ARHGEF2: variants seen among roughly 807,000 people sequenced by gnomAD.
ARHGEF2 encodes rho guanine nucleotide exchange factor 2.
Under a neutral mutation model 121.0 loss-of-function variants are expected in ARHGEF2, and 22 were observed. The ratio of observed to expected loss-of-function variants is 0.18; its 90% confidence interval spans 0.13 to 0.26. The LOEUF (loss-of-function observed/expected upper bound fraction) is 0.26, where lower values mean the gene tolerates loss of function less well. Ranked by LOEUF, ARHGEF2 falls within the 10% of genes least tolerant of loss-of-function variation. The probability of loss-of-function intolerance (pLI) is 1.00; values close to 1 mark genes in which losing one functional copy is unlikely to be tolerated. For synonymous variants in ARHGEF2, 487 were observed against 530.0 expected (o/e 0.92, Z 1.11); for missense variants, 907 against 1,336.0 (o/e 0.68, Z 5.01).
chr1:155,959,251 CTAT>C (rs752642932), intron 11 of ARHGEF2, among the ~76,000 whole-genome samples: 6 of 151,926 alleles, frequency 3.9e-5, no homozygotes, highest in Non-Finnish European at 8.8e-5. Flanking sequence ...TAATTTGATT[CTAT>C]TATTATTTTT....
At chr1:155,978,614 G>A (rs574784498), upstream of ARHGEF2, 66 of 1,257,160 alleles carry the variant, frequency 5.2e-5, no homozygotes, top group Non-Finnish European at 6.3e-5. This position sits in a 1 kb window ranked among gnomAD's most constrained non-coding sequence, Gnocchi z 4.1. Context: ...GCTCAGGAAG[G>A]GGGTAGGCGG....
chr1:155,951,794 A>G lies in ARHGEF2; in HGVS notation c.2173-18T>C. On this transcript the variant is annotated intron_variant, in intron 17 of 21. Transcript: ENST00000361247. The surrounding 1 kb of genome is among the most constrained non-coding windows in gnomAD (Gnocchi z 5.1). ...TTTCGATCCTGCAGAAATGGGCAAG[A>G]ATGGGGAGTCAGCAGGCACACAAAT... 2 of 1,613,894 alleles carry G rather than the reference A, an allele frequency of 1.2e-6. No homozygotes were observed. The highest frequency in any genetic ancestry group is 1.7e-6 in the Non-Finnish European group (2 of 1,179,992).
At position 155,972,245 on chromosome 1, in the gene ARHGEF2, C is replaced by T. The variant is rs543852609; in HGVS notation, c.64-2945G>A. The T allele has an allele frequency of 1.1e-3, 508 of 467,720 alleles. 1 individual carries two copies. Among genetic ancestry groups the T allele is most frequent in the Non-Finnish European group, 1.7e-3 (386 of 226,960 alleles). 29.0% of individuals were successfully genotyped at this position (467,720 alleles called of 1,614,324 possible). A position where few individuals can be genotyped will look rare whatever the true frequency, so the allele number is the denominator to read the frequency against. On this transcript the variant is annotated intron_variant, in intron 1 of 21. Transcript: ENST00000361247. ...TCTGGGCCCTGCCTCCTCCACCTCC[C>T]AACACTCACCCTCTCTCGAAGTGAC...
At position 155,951,919 on chromosome 1, in the gene ARHGEF2, C is replaced by G; in HGVS notation, c.2172G>C (p.Arg724Ser). Reference sequence around the variant, plus strand: ...GTCCCAGAACCTCTTGAGGACCTACCCTCTGGCTAGAGTCTGAGTCAGCTC... The same window carrying G: ...GTCCCAGAACCTCTTGAGGACCTACGCTCTGGCTAGAGTCTGAGTCAGCTC... ...LCRADSDSSQ[R>S]DRNGNQLRSP... Residue 724 changes from arginine (R) to serine (S), a missense_variant and splice_region_variant, in exon 17 of 22, where the codon AGG (arginine) becomes AGC (serine). Arg to Ser is a moderately radical substitution (Grantham distance 110). This residue lies in a region of ARHGEF2 where 432 missense variants were observed against 559.5 expected (regional missense o/e 0.77). Coordinates refer to ENST00000361247, the MANE Select transcript of ARHGEF2 (RefSeq NM_001162383.2). This position sits in a 1 kb window ranked among gnomAD's most constrained non-coding sequence, Gnocchi z 5.1. The G allele has an allele frequency of 6.2e-7, 1 of 1,614,034 alleles. No individual in the cohort carries two copies. Among genetic ancestry groups the G allele is most frequent in the Non-Finnish European group, 8.5e-7 (1 of 1,180,004 alleles).
At position 155,962,425 on chromosome 1, in the gene ARHGEF2, G is replaced by T; in HGVS notation, c.1101+168C>A. The T allele has an allele frequency of 8.9e-7, 1 of 1,119,756 alleles. No homozygotes were observed. The highest frequency in any genetic ancestry group is 1.3e-6 in the Non-Finnish European group (1 of 777,918). 69.4% of individuals were successfully genotyped at this position (1,119,756 alleles called of 1,614,324 possible). A position where few individuals can be genotyped will look rare whatever the true frequency, so the allele number is the denominator to read the frequency against. ...AAAGTACTTGGGAAACTACCACAAC[G>T]TGCTCTAGCATTCTGAGGGGTTACT... On this transcript the variant is annotated intron_variant, in intron 9 of 21. Coordinates refer to ENST00000361247, the MANE Select transcript of ARHGEF2 (RefSeq NM_001162383.2). This position sits in a 1 kb window ranked among gnomAD's most constrained non-coding sequence, Gnocchi z 5.8.
At chr1:155,979,345 C>A, upstream of ARHGEF2, 1 of 985,348 alleles carries the variant, frequency 1.0e-6, no homozygotes, top group Non-Finnish European at 1.2e-6. Context: ...CAGAAACCAG[C>A]CTGCCCTAGT....
Position 155,950,279 on chromosome 1 carries a change from T to A in ARHGEF2, c.2887+20A>T. 6.2e-7 allele frequency: 1 copy of A among 1,609,742 alleles called. No homozygotes were observed. Among genetic ancestry groups the A allele is most frequent in the Non-Finnish European group, 8.5e-7 (1 of 1,179,674 alleles). On this transcript the variant is annotated intron_variant, in intron 21 of 21. Coordinates refer to ENST00000361247, the MANE Select transcript of ARHGEF2 (RefSeq NM_001162383.2). The surrounding 1 kb of genome is among the most constrained non-coding windows in gnomAD (Gnocchi z 5.2). ...CAGGCTGCACTCTACCTCTGGTCCA[T>A]GTCTCCGCCAGGGTCTCACCTCGTG...
upstream of ARHGEF2, chr1:155,978,909 T>C (rs1163029075): frequency 4.7e-5 from 46 of 986,102 alleles, no homozygotes; most frequent in Non-Finnish European, 5.4e-5. This position sits in a 1 kb window ranked among gnomAD's most constrained non-coding sequence, Gnocchi z 4.1. Context: ...CCCTACTGCG[T>C]TACCTCAGTC....
chr1:155,951,173 C>T lies in ARHGEF2; in HGVS notation c.2359G>A (p.Ala787Thr). 6.2e-7 allele frequency: 1 copy of T among 1,605,846 alleles called. No homozygotes were observed. ...ACAGGGGCAGCCCCAGCCCTGCCAG[C>T]CTCCCCATCCCGAGAGTTGGCTCGG... ...LCRANSRDGE[A>T]GRAGAAPVAP... is the part of the protein sequence containing the mutation. The change falls in exon 20 of 22, where the codon GCT becomes ACT. Residue 787 changes from alanine (A) to threonine (T), a missense_variant. Coordinates refer to ENST00000361247, the MANE Select transcript of ARHGEF2 (RefSeq NM_001162383.2). The surrounding 1 kb of genome is among the most constrained non-coding windows in gnomAD (Gnocchi z 5.1).
At chr1:155,977,548 A>G (rs1373865939) in intron 1 of ARHGEF2, among the ~76,000 whole-genome samples, 1 of 152,152 alleles carries the variant, frequency 6.6e-6, no homozygotes, top group Non-Finnish European at 1.5e-5. Flanking sequence ...AACACAATGC[A>G]TAGTGCCAGG....
At chr1:155,958,295 G>C in intron 12 of ARHGEF2, 25 bp downstream of exon 12, 1 of 1,595,158 alleles carries the variant, frequency 6.3e-7, no homozygotes, top group Non-Finnish European at 8.6e-7. Context: ...TCTGTGCTGA[G>C]AAAGGTGAAG....
In ARHGEF2 at chr1:155,965,445, C is replaced by G. The variant is rs766563548; in HGVS notation, c.471-33G>C. ...AAGTGGAGGCTGTCTGCATCACCCC[C>G]AGTCGGGCAAAAGATCCCTTCCCAG... On this transcript the variant is annotated intron_variant, in intron 5 of 21. Coordinates refer to ENST00000361247, the MANE Select transcript of ARHGEF2 (RefSeq NM_001162383.2). The surrounding 1 kb of genome is among the most constrained non-coding windows in gnomAD (Gnocchi z 6.0). 10 of 1,607,922 alleles carry G rather than the reference C, an allele frequency of 6.2e-6. No homozygotes were observed. The East Asian group carries it at 1.1e-4, about 18-fold the overall frequency.
At chr1:155,966,270 T>C in intron 4 of ARHGEF2, 146 bp downstream of exon 4, 1 of 764,186 alleles carries the variant, frequency 1.3e-6, no homozygotes, top group Non-Finnish European at 2.2e-6. Flanking sequence ...GTCCGAACCC[T>C]CCCTTAGGCC....
In ARHGEF2 at chr1:155,964,963, G is replaced by A. The variant is rs747521917; in HGVS notation, c.724+25C>T. 2.7e-5 allele frequency: 43 copies of A among 1,598,556 alleles called. No homozygotes were observed. In the Admixed American group the frequency reaches 7.3e-4, roughly 27 times the overall value. ...TAAACAGGACCTGGTGAAGGAAGAG[G>A]AAGACTAGGGTGGTCTTGGCTTACC... is the stretch of plus-strand genomic sequence containing the variant. On this transcript the variant is annotated intron_variant, in intron 7 of 21. Coordinates refer to ENST00000361247, the MANE Select transcript of ARHGEF2 (RefSeq NM_001162383.2).
At chr1:155,969,424 C>A in intron 1 of ARHGEF2, 124 bp from the exon 2 acceptor site, 1 of 1,514,802 alleles carries the variant, frequency 6.6e-7, no homozygotes, top group Non-Finnish European at 8.9e-7. Context: ...TGGAAAGACA[C>A]CAGTTCCTAA....
chr1:155,964,487 A>G (rs985002090), intron 7 of ARHGEF2, among the ~76,000 whole-genome samples: 3 of 152,022 alleles, frequency 2.0e-5, no homozygotes, highest in African/African-American at 7.2e-5. Context: ...GACTGAAGAC[A>G]GAGATAAAGA....
upstream of ARHGEF2, chr1:155,979,241 G>C (rs1281514148): frequency 2.0e-6 from 2 of 985,418 alleles, no homozygotes; most frequent in African/African-American, 3.5e-5. Context: ...AGCTACTTTG[G>C]GGGACTAGGT....
chr1:155,973,745 C>CA (rs551270003), intron 1 of ARHGEF2, among the ~76,000 whole-genome samples: 1,057 of 101,602 alleles, frequency 0.01, 10 homozygotes, highest in South Asian at 0.017. Context: ...GACTCTGTCT[C>CA]AAAAAAAAAA....
intron 14 of ARHGEF2, among the ~76,000 whole-genome samples, chr1:155,953,976 T>TG (rs770874963): frequency 1.3e-5 from 2 of 152,002 alleles, no homozygotes; most frequent in Non-Finnish European, 2.9e-5. Context: ...TCTACCTTGT[T>TG]GGGGTTTTTT....
Sources: allele counts gnomAD v4.1 joint callset (sites outside exome capture counted in the v4.1 genomes callset), GRCh38; gene constraint gnomAD v4.1.1; regional missense constraint gnomAD v4.1.1; non-coding constraint Gnocchi (gnomAD v3.1); transcripts MANE v1.5; gene names NCBI Gene and HGNC (gene_info 2026-07-23, HGNC 2026-07-21).